JAZF1: variants seen among roughly 807,000 people sequenced by gnomAD.
JAZF1 encodes the protein juxtaposed with another zinc finger protein 1.
JAZF1 carries 8 observed loss-of-function variants against 26.4 expected under a neutral mutation model. The ratio of observed to expected loss-of-function variants is 0.30; its 90% CI spans 0.18 to 0.55. The LOEUF (loss-of-function observed/expected upper bound fraction) is 0.55, where lower values mean the gene tolerates loss of function less well. Ranked by LOEUF, JAZF1 falls within the 20% of genes least tolerant of loss-of-function variation. The probability of loss-of-function intolerance (pLI) is 0.94; values close to 1 mark genes in which losing one functional copy is unlikely to be tolerated. For missense variants in JAZF1, 199 were observed against 322.0 expected (o/e 0.62, Z 2.92); for synonymous variants, 126 against 122.3 (o/e 1.03, Z -0.20).
At chr7:27,984,962 G>A (rs935466931) in intron 2 of JAZF1, among the ~76,000 whole-genome samples, 14 of 152,046 alleles carry the variant, frequency 9.2e-5, no homozygotes, top group African/African-American at 3.4e-4. Flanking sequence ...CAGTGTTTAG[G>A]GGGAAATTTA....
intron 1 of JAZF1, among the ~76,000 whole-genome samples, chr7:28,037,026 A>T (rs1035637207): frequency 1.3e-5 from 2 of 152,156 alleles, no homozygotes; most frequent in African/African-American, 4.8e-5. Context: ...GGACAAGGGA[A>T]CACAGTGGAG....
At chr7:27,968,847 A>G (rs538536800) in intron 2 of JAZF1, among the ~76,000 whole-genome samples, 1 of 152,132 alleles carries the variant, frequency 6.6e-6, no homozygotes, top group South Asian at 2.1e-4. Flanking sequence ...GGATGTTTGT[A>G]TGGGCACAAG....
intron 1 of JAZF1, among the ~76,000 whole-genome samples, chr7:28,101,872 T>C (rs1784477017): frequency 6.6e-6 from 1 of 151,418 alleles, no homozygotes; most frequent in Non-Finnish European, 1.5e-5. Flanking sequence ...GGAAATGCCA[T>C]TTTTTTTTCT....
At chr7:28,180,785 GCGGCTGCGGCGGCGGCGT>G (rs1459246896) in exon 1 of JAZF1, 1 of 296,852 alleles carries the variant, frequency 3.4e-6, no homozygotes, top group Non-Finnish European at 6.1e-6. Flanking sequence ...AGGGGAGGCG[GCGGCTGCGGCGGCGGCGT>G]CGGGAGCGGC....
intron 2 of JAZF1, among the ~76,000 whole-genome samples, chr7:27,948,040 G>A (rs528861611): frequency 6.6e-6 from 1 of 152,308 alleles, no homozygotes; most frequent in Admixed American, 6.5e-5. Flanking sequence ...GGGCAAAGGG[G>A]TGGGTGTGGC....
At chr7:28,094,935 G>C (rs1784359997) in intron 1 of JAZF1, among the ~76,000 whole-genome samples, 1 of 152,016 alleles carries the variant, frequency 6.6e-6, no homozygotes, top group South Asian at 2.1e-4. Flanking sequence ...AGAAATACAT[G>C]TGGAGTCCCA....
At chr7:27,850,949 ATTTTT>A (rs539232971) in intron 3 of JAZF1, among the ~76,000 whole-genome samples, 3 of 150,482 alleles carry the variant, frequency 2.0e-5, no homozygotes, top group East Asian at 3.9e-4. Flanking sequence ...TTTTAAAATA[ATTTTT>A]TTTTTGAGAT....
chr7:28,048,752 C>A (rs1755285183), intron 1 of JAZF1, among the ~76,000 whole-genome samples: 1 of 152,004 alleles, frequency 6.6e-6, no homozygotes. Context: ...TAGAATCATC[C>A]CAAATGTCCA....
chr7:27,918,890 A>G (rs1784484537), intron 2 of JAZF1, among the ~76,000 whole-genome samples: 1 of 152,212 alleles, frequency 6.6e-6, no homozygotes, highest in Admixed American at 6.5e-5. Flanking sequence ...ATTGCTGCTT[A>G]AATATGGGAA....
At chr7:27,908,324 A>G (rs1299692117) in intron 2 of JAZF1, among the ~76,000 whole-genome samples, 2 of 152,204 alleles carry the variant, frequency 1.3e-5, no homozygotes, top group Non-Finnish European at 2.9e-5. Context: ...ACTAATAATA[A>G]GACAGTAAAA....
At chr7:27,855,669 G>A (rs1036643993) in intron 3 of JAZF1, among the ~76,000 whole-genome samples, 1 of 152,194 alleles carries the variant, frequency 6.6e-6, no homozygotes, top group Non-Finnish European at 1.5e-5. Flanking sequence ...CCAGGAAGAA[G>A]TCGAATCCCA....
intron 1 of JAZF1, among the ~76,000 whole-genome samples, chr7:28,137,632 G>T (rs1782904749): frequency 6.6e-6 from 1 of 152,096 alleles, no homozygotes; most frequent in Non-Finnish European, 1.5e-5. Flanking sequence ...GTATCCCTGG[G>T]ATATAGATGG....
chr7:28,038,310 G>A (rs1469264899), intron 1 of JAZF1, among the ~76,000 whole-genome samples: 1 of 152,164 alleles, frequency 6.6e-6, no homozygotes, highest in East Asian at 1.9e-4. Flanking sequence ...CACTGTGCTT[G>A]TATTAGCATA....
intron 2 of JAZF1, among the ~76,000 whole-genome samples, chr7:27,938,774 C>A (rs1784796981): frequency 1.3e-5 from 2 of 151,254 alleles, no homozygotes; most frequent in Non-Finnish European, 2.9e-5. Flanking sequence ...CAGGCTCAAG[C>A]AATTGTCCCA....
chr7:27,883,682 C>A (rs559625231), intron 3 of JAZF1, among the ~76,000 whole-genome samples: 1 of 152,314 alleles, frequency 6.6e-6, no homozygotes, highest in Admixed American at 6.5e-5. Flanking sequence ...CACTCTTTAT[C>A]TCATGGGAAA....
intron 1 of JAZF1, among the ~76,000 whole-genome samples, chr7:28,081,206 A>G (rs1784131203): frequency 6.6e-6 from 1 of 152,212 alleles, no homozygotes; most frequent in African/African-American, 2.4e-5. Flanking sequence ...GGCTAAGCCC[A>G]GTGTTGTTAC....
intron 1 of JAZF1, among the ~76,000 whole-genome samples, chr7:28,130,156 T>C (rs1483770023): frequency 6.6e-6 from 1 of 152,250 alleles, no homozygotes; most frequent in Non-Finnish European, 1.5e-5. Context: ...TAGCTCATTT[T>C]AGTGAAAGCA....
At chr7:27,905,767 C>A (rs73685849) in intron 2 of JAZF1, among the ~76,000 whole-genome samples, 8,027 of 152,060 alleles carry the variant, frequency 0.053, 453 homozygotes, top group African/African-American at 0.14. Context: ...ACTACTTTAA[C>A]ATAAAATATA....
intron 1 of JAZF1, 74 bp downstream of exon 1, chr7:28,180,389 G>A: frequency 8.1e-7 from 1 of 1,229,078 alleles, no homozygotes; most frequent in Non-Finnish European, 1.2e-6. Flanking sequence ...GCCACCCCTG[G>A]CCATTCCGGG....
Sources: allele counts gnomAD v4.1 joint callset (sites outside exome capture counted in the v4.1 genomes callset), GRCh38; gene constraint gnomAD v4.1.1; transcripts MANE v1.5; gene names NCBI Gene and HGNC (gene_info 2026-07-23, HGNC 2026-07-21).